CAMK1D: variants seen among roughly 807,000 people sequenced by gnomAD.
The protein encoded by CAMK1D is calcium/calmodulin dependent protein kinase ID.
Under a neutral mutation model 47.7 loss-of-function variants are expected in CAMK1D, and 9 were observed. The observed-to-expected ratio is 0.19, with a 90% CI of 0.11 to 0.33. CAMK1D has a LOEUF of 0.33. Among genes scored for constraint, CAMK1D ranks in the 10% least tolerant of loss-of-function variants. The pLI, the probability that CAMK1D is intolerant of heterozygous loss-of-function variation, is 1.00. For synonymous variants in CAMK1D, 184 were observed against 184.9 expected (o/e 0.99, Z 0.04); for missense variants, 291 against 488.7 (o/e 0.60, Z 3.81).
At chr10:12,376,188 G>GAAT (rs1390236868) in intron 1 of CAMK1D, among the ~76,000 whole-genome samples, 20 of 103,748 alleles carry the variant, frequency 1.9e-4, no homozygotes, top group African/African-American at 7.9e-4. Context: ...AAAAAAAAAA[G>GAAT]AATAAAAAGA....
At chr10:12,760,693 G>T in intron 3 of CAMK1D, 1 of 434,392 alleles carries the variant, frequency 2.3e-6, no homozygotes, top group Non-Finnish European at 4.3e-6. Flanking sequence ...AGAGGCAGAG[G>T]CCTGGACAGA....
At chr10:12,463,197 G>A (rs1315340986) in intron 1 of CAMK1D, among the ~76,000 whole-genome samples, 1 of 151,446 alleles carries the variant, frequency 6.6e-6, no homozygotes, top group Non-Finnish European at 1.5e-5. Context: ...GAGAGCAATG[G>A]CGTGATCTTG....
At position 12,683,663 on chromosome 10, in the gene CAMK1D, C is replaced by A. The variant is rs115282989; in HGVS notation, c.299+16853C>A. 5.4e-3 allele frequency among the ~76,000 whole-genome samples: 822 copies of A among 151,766 alleles called. 7 individuals carry two copies. The highest frequency in any genetic ancestry group is 0.019 in the African/African-American group (765 of 41,340). On this transcript the variant is annotated intron_variant, in intron 3 of 10. Coordinates refer to ENST00000619168, the MANE Select transcript of CAMK1D (RefSeq NM_153498.4). The stretch of plus-strand genomic sequence containing the variant: ...ATCATTGTTTTAGTAATTTCGCATC[C>A]TTAAGGCCGAAGATGCACAATGCCT...
intron 1 of CAMK1D, among the ~76,000 whole-genome samples, chr10:12,445,394 A>G (rs1363999239): frequency 6.6e-6 from 1 of 152,214 alleles, no homozygotes; most frequent in Non-Finnish European, 1.5e-5. Context: ...AATGAGTAGA[A>G]TTTAGTCAGA....
chr10:12,633,205 G>T (rs1839428323), intron 2 of CAMK1D, among the ~76,000 whole-genome samples: 1 of 152,178 alleles, frequency 6.6e-6, no homozygotes, highest in Non-Finnish European at 1.5e-5. Flanking sequence ...GCCACACTTT[G>T]GGAGAAGATG....
intron 3 of CAMK1D, among the ~76,000 whole-genome samples, chr10:12,708,900 C>T (rs1030919573): frequency 6.6e-6 from 1 of 152,212 alleles, no homozygotes; most frequent in Non-Finnish European, 1.5e-5. Context: ...GAGGCCGAGG[C>T]AGGAGGATCA....
chr10:12,693,242 G>A (rs532035505), intron 3 of CAMK1D, among the ~76,000 whole-genome samples: 5 of 152,182 alleles, frequency 3.3e-5, no homozygotes, highest in South Asian at 2.1e-4. Flanking sequence ...GCGTGCGCCT[G>A]TAGTCTAAGC....
chr10:12,734,638 A>G (rs558823115), intron 3 of CAMK1D, among the ~76,000 whole-genome samples: 1 of 151,408 alleles, frequency 6.6e-6, no homozygotes, highest in South Asian at 2.1e-4. Context: ...ATACTAGAAA[A>G]ATCCCAGAGC....
chr10:12,791,094 A>G (rs922162626), intron 5 of CAMK1D, 64 bp from the exon 6 acceptor site: 15 of 1,513,150 alleles, frequency 9.9e-6, no homozygotes, highest in Non-Finnish European at 1.4e-5. Flanking sequence ...GCAGACCCCA[A>G]AAACTGTCTT....
At chr10:12,749,559 T>TTTG (rs377712847) in intron 3 of CAMK1D, among the ~76,000 whole-genome samples, 1 of 136,966 alleles carries the variant, frequency 7.3e-6, no homozygotes, top group South Asian at 2.3e-4. Flanking sequence ...TTTTTGTTTG[T>TTTG]TTGTTTGTTT....
At chr10:12,770,935 G>T (rs117633844) in intron 5 of CAMK1D, among the ~76,000 whole-genome samples, 2 of 151,892 alleles carry the variant, frequency 1.3e-5, no homozygotes, top group Admixed American at 6.6e-5. Context: ...TGTGGGGGGT[G>T]GGGGGTGTGG....
At chr10:12,372,064 G>A (rs990799763) in intron 1 of CAMK1D, among the ~76,000 whole-genome samples, 1 of 152,150 alleles carries the variant, frequency 6.6e-6, no homozygotes, top group Admixed American at 6.6e-5. Flanking sequence ...GTTGCCTGTT[G>A]TATCCAGTGC....
chr10:12,527,244 C>G (rs1229699085), intron 1 of CAMK1D, among the ~76,000 whole-genome samples: 1 of 151,406 alleles, frequency 6.6e-6, no homozygotes, highest in Non-Finnish European at 1.5e-5. Context: ...CCATCTGACT[C>G]TTCACTTTTA....
chr10:12,378,560 C>G (rs1298172461), intron 1 of CAMK1D, among the ~76,000 whole-genome samples: 1 of 145,036 alleles, frequency 6.9e-6, no homozygotes, highest in Non-Finnish European at 1.5e-5. Context: ...TTTTTTTGAA[C>G]AAGGGTATCC....
Position 12,483,688 on chromosome 10 carries a change from A to AT in CAMK1D, c.93-69528dup, listed in dbSNP as rs565584126. Among the ~76,000 whole-genome samples, 5 of 148,204 alleles carry AT rather than the reference A, an allele frequency of 3.4e-5. No homozygotes were observed. In the East Asian group the frequency reaches 8.1e-4, roughly 24 times the overall value. On this transcript the variant is annotated intron_variant, in intron 1 of 10. Transcript: ENST00000619168. ...CTCTAAAAAAAGAGATCCAATTTTA[A>AT]TTTTTTTTTCCTTTTTGAGACAGAG...
At chr10:12,402,861 G>A (rs904109435) in intron 1 of CAMK1D, among the ~76,000 whole-genome samples, 1 of 151,954 alleles carries the variant, frequency 6.6e-6, no homozygotes, top group Non-Finnish European at 1.5e-5. Context: ...GATATACACA[G>A]GACCAGGTTT....
intron 1 of CAMK1D, among the ~76,000 whole-genome samples, chr10:12,430,899 A>G (rs532172918): frequency 2.0e-4 from 30 of 152,024 alleles, no homozygotes; most frequent in Non-Finnish European, 3.7e-4. Flanking sequence ...ACAGGTGTGC[A>G]CCACCACGCC....
chr10:12,542,767 G>A (rs577385986), intron 1 of CAMK1D, among the ~76,000 whole-genome samples: 18 of 152,142 alleles, frequency 1.2e-4, no homozygotes, highest in Non-Finnish European at 2.4e-4. Flanking sequence ...TTTTGAGACC[G>A]AGTCTCGCTC....
intron 1 of CAMK1D, among the ~76,000 whole-genome samples, chr10:12,476,606 G>A (rs541023452): frequency 1.3e-5 from 2 of 152,242 alleles, no homozygotes; most frequent in African/African-American, 2.4e-5. Context: ...TTATCATGTC[G>A]AGATTTTTTA....
Sources: gnomAD v4.1 joint callset for allele counts (sites outside exome capture counted in the v4.1 genomes callset) on GRCh38, gnomAD v4.1.1 for gene constraint, MANE v1.5 for transcripts, NCBI Gene and HGNC (gene_info 2026-07-23, HGNC 2026-07-21) for gene names.